TSPAN12: variants seen among roughly 807,000 people sequenced by gnomAD.
TSPAN12 encodes the protein tetraspanin-12.
TSPAN12 carries 19 observed loss-of-function variants against 39.2 expected under a neutral mutation model. The observed-to-expected ratio is 0.49, with a 90% CI of 0.34 to 0.71. The LOEUF (loss-of-function observed/expected upper bound fraction) is 0.71. TSPAN12 is among the 30% of genes least tolerant of loss of function. TSPAN12 has a pLI of 0.01. For missense variants in TSPAN12, 314 were observed against 359.9 expected (o/e 0.87, Z 1.03); for synonymous variants, 119 against 124.8 (o/e 0.95, Z 0.31).
chr7:120,811,142 G>C (rs1373127390), intron 5 of TSPAN12, among the ~76,000 whole-genome samples: 2 of 152,112 alleles, frequency 1.3e-5, no homozygotes, highest in Non-Finnish European at 2.9e-5. Context: ...TTACACTGTT[G>C]GTGGGAATGT....
chr7:120,807,832 A>G (rs1793904358), intron 6 of TSPAN12, among the ~76,000 whole-genome samples: 1 of 152,120 alleles, frequency 6.6e-6, no homozygotes. Context: ...ACTGAAAGCT[A>G]TGGGTAATAC....
chr7:120,850,688 A>T (rs1386744761), intron 2 of TSPAN12, among the ~76,000 whole-genome samples: 1 of 152,028 alleles, frequency 6.6e-6, no homozygotes, highest in Non-Finnish European at 1.5e-5. Context: ...TCTGAGACTA[A>T]AAGATTTTTT....
At chr7:120,800,365 T>C (rs532000232) in intron 7 of TSPAN12, among the ~76,000 whole-genome samples, 1 of 152,296 alleles carries the variant, frequency 6.6e-6, no homozygotes, top group South Asian at 2.1e-4. Flanking sequence ...TGTTTGTCTC[T>C]GCATTGTCCA....
chr7:120,798,209 T>G (rs1793669512), intron 7 of TSPAN12, among the ~76,000 whole-genome samples: 1 of 152,140 alleles, frequency 6.6e-6, no homozygotes, highest in Non-Finnish European at 1.5e-5. Context: ...ATAGTTCAAG[T>G]CCTGATTCGA....
chr7:120,809,270 T>C (rs1162328541), intron 6 of TSPAN12, among the ~76,000 whole-genome samples: 1 of 152,152 alleles, frequency 6.6e-6, no homozygotes, highest in African/African-American at 2.4e-5. Context: ...TAACCTGGAT[T>C]ATCACTGTCT....
rs143060523 is a variant in TSPAN12 at position 120,788,642 on chromosome 7, T to C, written c.868A>G (p.Thr290Ala). The change falls in exon 8 of 8, where the codon ACA becomes GCA. Residue 290 changes from threonine (T) to alanine (A), a missense_variant. Transcript: ENST00000222747. ...KPSLSRIFEH[T>A]SMANSFNTHF... is the part of the protein sequence containing the mutation. ...GTATTAAAGCTGTTTGCCATGGATG[T>C]GTGTTCAAAGATTCTTGACAGGCTT... 3.5e-4 allele frequency: 557 copies of C among 1,614,180 alleles called. 4 individuals are homozygous for C. The African/African-American group carries it at 7.1e-3, about 20-fold the overall frequency.
rs146504136 is a variant in TSPAN12 at position 120,809,603 on chromosome 7, C to T, written c.468+860G>A. On this transcript the variant is annotated intron_variant, in intron 6 of 7. Transcript: ENST00000222747. Reference sequence around the variant, plus strand: ...AAGACACTAATTCTCAAATGCTTTGCGGCCTAGCACTAAGATAAATTAAAG... The same window carrying T: ...AAGACACTAATTCTCAAATGCTTTGTGGCCTAGCACTAAGATAAATTAAAG... Among the ~76,000 whole-genome samples the T allele has an allele frequency of 2.3e-3, 344 of 152,220 alleles. 1 individual carries two copies. Among genetic ancestry groups the T allele is most frequent in the Middle Eastern group, 0.01 (3 of 294 alleles).
At chr7:120,815,659 T>G in intron 5 of TSPAN12, 70 bp downstream of exon 5, 1 of 1,362,912 alleles carries the variant, frequency 7.3e-7, no homozygotes, top group Non-Finnish European at 1.0e-6. Flanking sequence ...GAAAATGAAC[T>G]AACACAAGTA....
At chr7:120,853,821 C>G (rs1377119020) in intron 2 of TSPAN12, among the ~76,000 whole-genome samples, 1 of 147,966 alleles carries the variant, frequency 6.8e-6, no homozygotes, top group Non-Finnish European at 1.5e-5. Context: ...TTGCAGTGAG[C>G]TGAGATTGCG....
intron 4 of TSPAN12, among the ~76,000 whole-genome samples, chr7:120,830,633 C>CA (rs1168036251): frequency 6.6e-6 from 1 of 151,662 alleles, no homozygotes; most frequent in Non-Finnish European, 1.5e-5. Flanking sequence ...ACAGCATAAG[C>CA]AAAAAAACAA....
chr7:120,806,155 G>A (rs1485701781), intron 7 of TSPAN12, among the ~76,000 whole-genome samples: 2 of 151,946 alleles, frequency 1.3e-5, no homozygotes, highest in South Asian at 2.1e-4. Flanking sequence ...CCTTCTATGT[G>A]TTGGTGGTCT....
intron 2 of TSPAN12, among the ~76,000 whole-genome samples, chr7:120,853,831 G>A (rs111429630): frequency 1.4e-4 from 20 of 146,736 alleles, no homozygotes; most frequent in East Asian, 8.1e-4. Flanking sequence ...CTGAGATTGC[G>A]CCACTGGACT....
chr7:120,795,998 A>C (rs1319100718), intron 7 of TSPAN12, among the ~76,000 whole-genome samples: 1 of 152,240 alleles, frequency 6.6e-6, no homozygotes, highest in East Asian at 1.9e-4. Flanking sequence ...AACCCTCGCA[A>C]TATCCCTATT....
chr7:120,811,241 T>C (rs1793975298), intron 5 of TSPAN12, among the ~76,000 whole-genome samples: 1 of 152,188 alleles, frequency 6.6e-6, no homozygotes, highest in African/African-American at 2.4e-5. Context: ...ATCCCACTAC[T>C]AGTTATCTAC....
intron 4 of TSPAN12, among the ~76,000 whole-genome samples, chr7:120,823,654 G>A (rs947672183): frequency 6.6e-6 from 1 of 152,060 alleles, no homozygotes; most frequent in Non-Finnish European, 1.5e-5. Context: ...AATGGATAGT[G>A]CCCAAAACTA....
At chr7:120,796,549 G>A (rs557441928) in intron 7 of TSPAN12, among the ~76,000 whole-genome samples, 94 of 152,244 alleles carry the variant, frequency 6.2e-4, no homozygotes, top group African/African-American at 2.2e-3. Flanking sequence ...TTACAGTGAT[G>A]TGGGTACTAT....
chr7:120,854,798 G>A lies in TSPAN12; in HGVS notation c.66+1900C>T, dbSNP rs546731891. On this transcript the variant is annotated intron_variant, in intron 2 of 7. Coordinates refer to ENST00000222747, the MANE Select transcript of TSPAN12 (RefSeq NM_012338.4). ...TGTATGAAACAAAATAAAGAAAAAC[G>A]TATACAAGATGCTTAACCTGGATTA... Among the ~76,000 whole-genome samples the A allele has an allele frequency of 5.9e-5, 9 of 152,248 alleles. No individual in the cohort carries two copies. The South Asian group carries it at 1.9e-3, about 32-fold the overall frequency.
At chr7:120,812,160 T>A (rs1793995368) in intron 5 of TSPAN12, among the ~76,000 whole-genome samples, 1 of 152,214 alleles carries the variant, frequency 6.6e-6, no homozygotes, top group African/African-American at 2.4e-5. Flanking sequence ...GAGTATTTAA[T>A]CATGACAGAG....
chr7:120,852,632 G>A (rs1160524423), intron 2 of TSPAN12, among the ~76,000 whole-genome samples: 1 of 152,250 alleles, frequency 6.6e-6, no homozygotes, highest in African/African-American at 2.4e-5. Context: ...TGAGGTTTTA[G>A]AAGCACTGTT....
Sources: gnomAD v4.1 joint callset for allele counts (sites outside exome capture counted in the v4.1 genomes callset) on GRCh38, gnomAD v4.1.1 for gene constraint, MANE v1.5 for transcripts, NCBI Gene and HGNC (gene_info 2026-07-23, HGNC 2026-07-21) for gene names.